INO80C: variants seen among roughly 807,000 people sequenced by gnomAD.
INO80C encodes IES6 homolog.
Under a neutral mutation model 17.7 loss-of-function variants are expected in INO80C, and 17 were observed. That is an observed-to-expected ratio of 0.96 (90% CI 0.66 to 1.44). INO80C has a LOEUF of 1.44. Among genes scored for constraint, INO80C ranks in the 40% most tolerant of loss-of-function variants. The probability of loss-of-function intolerance (pLI) is 0.00; values close to 1 mark genes in which losing one functional copy is unlikely to be tolerated. For synonymous variants in INO80C, 96 were observed against 95.8 expected, an observed-to-expected ratio of 1.00 and a Z score of -0.01; for missense variants, 244 against 245.0, an observed-to-expected ratio of 1.00 and a Z score of 0.03.
At position 35,497,943 on chromosome 18, in the gene INO80C, T is replaced by C; in HGVS notation, c.-69A>G. 3 of 1,438,836 alleles carry C rather than the reference T, an allele frequency of 2.1e-6. No individual in the cohort carries two copies. The highest frequency in any genetic ancestry group is 2.8e-6 in the Non-Finnish European group (3 of 1,086,772). 89.1% of individuals were successfully genotyped at this position (1,438,836 alleles called of 1,614,324 possible). A position where few individuals can be genotyped will look rare whatever the true frequency, so the allele number is the denominator to read the frequency against. ...GCGGGCCTTGGAACTTCCTTTCCGC[T>C]GTTACTTCCGTCTTGATGCTTGAAA... On this transcript the variant is annotated 5_prime_UTR_variant, in exon 1 of 5. Coordinates refer to ENST00000334598, the MANE Select transcript of INO80C (RefSeq NM_194281.4).
chr18:35,475,125 A>G (rs2144035696), intron 4 of INO80C, among the ~76,000 whole-genome samples: 1 of 132,100 alleles, frequency 7.6e-6, no homozygotes, highest in Middle Eastern at 4.0e-3. Flanking sequence ...ACCCTGAGTC[A>G]TATTCAATAC....
intron 4 of INO80C, among the ~76,000 whole-genome samples, chr18:35,474,803 T>G (rs1045570980): frequency 1.3e-5 from 2 of 152,152 alleles, no homozygotes; most frequent in Non-Finnish European, 2.9e-5. Context: ...ATGCTTCCAA[T>G]AGGCTCATTG....
At position 35,472,545 on chromosome 18, in the gene INO80C, A is replaced by G. The variant is rs28647943; in HGVS notation, c.448-3803T>C. On this transcript the variant is annotated intron_variant, in intron 4 of 4. Transcript: ENST00000334598. The stretch of plus-strand genomic sequence containing the variant: ...TTGAGAAAATTTTCTCCCATTCTGT[A>G]GGTTGCCTGTTCACTGTGATGGTAG... Among the ~76,000 whole-genome samples the G allele has an allele frequency of 6.7e-3, 1,013 of 152,196 alleles. 9 individuals carry two copies. Among genetic ancestry groups the G allele is most frequent in the African/African-American group, 0.023 (937 of 41,512 alleles).
chr18:35,492,241 A>G (rs1018238608), intron 1 of INO80C, among the ~76,000 whole-genome samples: 2 of 152,258 alleles, frequency 1.3e-5, no homozygotes, highest in Non-Finnish European at 2.9e-5. Context: ...GGTTACTTAA[A>G]ACAGCAAAAA....
intron 4 of INO80C, among the ~76,000 whole-genome samples, chr18:35,474,207 CTA>C (rs58465669): frequency 0.031 from 1,801 of 58,002 alleles, 33 homozygotes; most frequent in East Asian, 0.13. Context: ...GTGTGTGTGT[CTA>C]TATATATATA....
intron 1 of INO80C, 104 bp from the exon 2 acceptor site, chr18:35,480,667 G>A (rs2045796115): frequency 1.1e-6 from 1 of 880,014 alleles, no homozygotes; most frequent in African/African-American, 1.6e-5. Context: ...GGCATGCAAG[G>A]GAAGACAGTA....
At position 35,468,568 on chromosome 18, in the gene INO80C, C is replaced by CT; in HGVS notation, c.*42dup. On this transcript the variant is annotated 3_prime_UTR_variant, in exon 5 of 5. Coordinates refer to ENST00000334598, the MANE Select transcript of INO80C (RefSeq NM_194281.4). ...TGAAACAAAATCATGAGTCCAGAGT[C>CT]TGTTTTTGAAACAGCTTTCCACTTC... The CT allele has an allele frequency of 6.2e-7, 1 of 1,613,506 alleles. No homozygotes were observed. The highest frequency in any genetic ancestry group is 8.5e-7 in the Non-Finnish European group (1 of 1,179,672).
intron 1 of INO80C, chr18:35,497,453 G>A: frequency 8.0e-7 from 1 of 1,253,150 alleles, no homozygotes; most frequent in Non-Finnish European, 1.0e-6. Context: ...AGGCGACCTC[G>A]AGGGGAAGAG....
At chr18:35,490,012 G>A (rs1188381944) in intron 1 of INO80C, among the ~76,000 whole-genome samples, 1 of 151,964 alleles carries the variant, frequency 6.6e-6, no homozygotes, top group East Asian at 1.9e-4. Context: ...AAAAAATACA[G>A]TGACCAAGTG....
At chr18:35,470,490 G>A (rs2045657228) in intron 4 of INO80C, among the ~76,000 whole-genome samples, 1 of 152,192 alleles carries the variant, frequency 6.6e-6, no homozygotes, top group Admixed American at 6.5e-5. Context: ...AGTGAGGGAA[G>A]TTAGGTTAAC....
chr18:35,481,267 A>C (rs547439712), intron 1 of INO80C, among the ~76,000 whole-genome samples: 33 of 152,266 alleles, frequency 2.2e-4, no homozygotes, highest in Non-Finnish European at 4.7e-4. Context: ...TTAAGCTAAC[A>C]ATCACAAAGA....
At chr18:35,477,291 G>A (rs2045749007) in intron 4 of INO80C, among the ~76,000 whole-genome samples, 1 of 135,630 alleles carries the variant, frequency 7.4e-6, no homozygotes, top group Non-Finnish European at 1.7e-5. Context: ...ACACATGAAC[G>A]AAAGAAAGCT....
chr18:35,497,793 A>G lies in INO80C; in HGVS notation c.82T>C (p.Ser28Pro), dbSNP rs768152671. 6.2e-7 allele frequency: 1 copy of G among 1,612,734 alleles called. No individual in the cohort carries two copies. The highest frequency in any genetic ancestry group is 8.5e-7 in the Non-Finnish European group (1 of 1,179,388). Residue 28 changes from serine to proline, a missense_variant, in exon 1 of 5, where the codon TCC (serine) becomes CCC (proline). Ser to Pro is a moderately conservative substitution (Grantham distance 74). Coordinates refer to ENST00000334598, the MANE Select transcript of INO80C (RefSeq NM_194281.4). ...RNSKKRPASP[S>P]HNGSSGGGYG... ...CCCCCGCCGCTGCTGCCATTGTGGGAAGGGCTGGCCGGCCTCTTCTTGCTG... is the reference window on the plus strand; with the variant it reads ...CCCCCGCCGCTGCTGCCATTGTGGGGAGGGCTGGCCGGCCTCTTCTTGCTG...
intron 1 of INO80C, among the ~76,000 whole-genome samples, chr18:35,494,127 T>C (rs1464674349): frequency 1.3e-5 from 2 of 152,202 alleles, no homozygotes; most frequent in African/African-American, 4.8e-5. Flanking sequence ...ATCATCCTCC[T>C]GTGTCTCACC....
chr18:35,477,168 C>T (rs1450477660), intron 4 of INO80C, among the ~76,000 whole-genome samples: 2 of 152,150 alleles, frequency 1.3e-5, no homozygotes, highest in Non-Finnish European at 2.9e-5. Flanking sequence ...CGCTTGAACC[C>T]AGGAGGTAGA....
rs769252502 is a variant in INO80C, at chr18:35,492,571, AAAG to A, written c.156+5145_156+5147del. Among the ~76,000 whole-genome samples, 14 of 152,364 alleles carry A rather than the reference AAAG, an allele frequency of 9.2e-5. No homozygotes were observed. In the South Asian group the frequency reaches 2.9e-3, roughly 32 times the overall value. On this transcript the variant is annotated intron_variant, in intron 1 of 4. Transcript: ENST00000334598. ...AAAAAAAGGTAATTTTAAAAATAGA[AAAG>A]AATAACTTTTAAGACTTAAAATTAT...
chr18:35,494,862 G>C (rs371396431), intron 1 of INO80C, among the ~76,000 whole-genome samples: 1 of 152,184 alleles, frequency 6.6e-6, no homozygotes, highest in Non-Finnish European at 1.5e-5. Flanking sequence ...ATGTATATAC[G>C]TCATTCTCTC....
intron 4 of INO80C, among the ~76,000 whole-genome samples, chr18:35,473,761 T>A (rs58071894): frequency 0.014 from 2,135 of 152,228 alleles, 59 homozygotes; most frequent in African/African-American, 0.049. Context: ...GAGTACCATC[T>A]ATTCTAGTCT....
chr18:35,471,873 A>G (rs1208999754), intron 4 of INO80C, among the ~76,000 whole-genome samples: 1 of 148,686 alleles, frequency 6.7e-6, no homozygotes, highest in African/African-American at 2.5e-5. Flanking sequence ...TGTCCTTGTG[A>G]TAGTTTGCTC....
Sources: gnomAD v4.1 joint callset for allele counts (sites outside exome capture counted in the v4.1 genomes callset) on GRCh38, gnomAD v4.1.1 for gene constraint, MANE v1.5 for transcripts, NCBI Gene and HGNC (gene_info 2026-07-23, HGNC 2026-07-21) for gene names.